The following PRRC2C variants were observed in gnomAD, a reference collection of about 807,000 sequenced individuals.
The protein encoded by PRRC2C is protein PRRC2C.
In PRRC2C, 72 loss-of-function variants were observed where a neutral mutation model predicts 317.2. The ratio of observed to expected loss-of-function variants is 0.23; its 90% CI spans 0.19 to 0.28. PRRC2C has a LOEUF of 0.28. Ranked by LOEUF, PRRC2C falls within the 10% of genes least tolerant of loss-of-function variation. PRRC2C has a pLI of 1.00. For synonymous variants in PRRC2C, 1,296 were observed against 1,205.9 expected (o/e 1.07, Z -1.55); for missense variants, 3,074 against 3,459.7 (o/e 0.89, Z 2.80).
intron 1 of PRRC2C, among the ~76,000 whole-genome samples, chr1:171,489,785 A>G (rs1436903288): frequency 1.3e-5 from 2 of 152,192 alleles, no homozygotes; most frequent in Non-Finnish European, 1.5e-5. Context: ...ACTCAACTAC[A>G]TGGGTTTCCT....
Position 171,541,742 on chromosome 1 carries a change from C to T in PRRC2C, c.4276C>T (p.Arg1426Cys), listed in dbSNP as rs747915202. 3.1e-6 allele frequency: 5 copies of T among 1,613,758 alleles called. No homozygotes were observed. The highest frequency in any genetic ancestry group is 3.3e-5 in the Admixed American group (2 of 59,996). ...DPARERPRRQ[R>C]PTRPPRQDKP... ...AGCTAGAGAAAGGCCTCGAAGGCAG[C>T]GTCCTACTCGACCACCAAGGCAAGA... The change falls in exon 16 of 35, where the codon CGT becomes TGT. Residue 1426 changes from arginine to cysteine, a missense_variant. Transcript: ENST00000647382. This position sits in a 1 kb window ranked among gnomAD's most constrained non-coding sequence, Gnocchi z 4.1.
intron 1 of PRRC2C, among the ~76,000 whole-genome samples, chr1:171,488,530 G>T (rs1666542375): frequency 6.6e-6 from 1 of 152,180 alleles, no homozygotes; most frequent in African/African-American, 2.4e-5. Flanking sequence ...ACCTAACTCT[G>T]TTGCCCTGGC....
chr1:171,540,831 A>C lies in PRRC2C; in HGVS notation c.3365A>C (p.Lys1122Thr). ...ACTGTTCAGGTAGAGCCTGCAGTTAAGACTGTAAACCAACAGACTATGGCA... is the reference window on the plus strand; with the variant it reads ...ACTGTTCAGGTAGAGCCTGCAGTTACGACTGTAAACCAACAGACTATGGCA... ...VSTVQVEPAV[K>T]TVNQQTMAAP... The change falls in exon 16 of 35, where the codon AAG (lysine) becomes ACG (threonine). Residue 1122 changes from lysine to threonine, a missense_variant. Coordinates refer to ENST00000647382, the MANE Select transcript of PRRC2C (RefSeq NM_001387844.1). 6.2e-7 allele frequency: 1 copy of C among 1,613,832 alleles called. No individual in the cohort carries two copies. Among genetic ancestry groups the C allele is most frequent in the Admixed American group, 1.7e-5 (1 of 59,988 alleles).
chr1:171,487,246 A>G (rs1333878579), intron 1 of PRRC2C, among the ~76,000 whole-genome samples: 1 of 152,156 alleles, frequency 6.6e-6, no homozygotes, highest in Non-Finnish European at 1.5e-5. Flanking sequence ...CAGATGAGGA[A>G]ATGAAATCTG....
intron 34 of PRRC2C, 24 bp from the exon 35 acceptor site, chr1:171,591,563 A>C: frequency 1.9e-6 from 3 of 1,605,856 alleles, no homozygotes; most frequent in Non-Finnish European, 2.6e-6. Flanking sequence ...CAGTATTTTC[A>C]GTTGTTCTTT....
Position 171,524,901 on chromosome 1 carries a change from C to G in PRRC2C, c.1136C>G (p.Ser379Cys), listed in dbSNP as rs763068608. The change falls in exon 10 of 35, where the codon TCC becomes TGC. Residue 379 changes from serine (S) to cysteine (C), a missense_variant. Around this residue, in one of 11 missense-constraint regions of PRRC2C, gnomAD observed 1,320 missense variants for 1,395.7 expected, o/e 0.95. Transcript: ENST00000647382. ...GAAGTTTCCAACACTAAATCATCTT[C>G]CCAAATACCTGCCCAACCATCAGTA... is the stretch of plus-strand genomic sequence containing the variant. Reference protein sequence around the residue: ...TDEVSNTKSSSQIPAQPSVAK... With the variant: ...TDEVSNTKSSCQIPAQPSVAK... 4 of 1,611,208 alleles carry G rather than the reference C, an allele frequency of 2.5e-6. No homozygotes were observed. Among genetic ancestry groups the G allele is most frequent in the Non-Finnish European group, 3.4e-6 (4 of 1,178,474 alleles).
At chr1:171,496,282 A>G (rs1284563816) in intron 1 of PRRC2C, among the ~76,000 whole-genome samples, 1 of 135,088 alleles carries the variant, frequency 7.4e-6, no homozygotes, top group East Asian at 2.2e-4. Context: ...GGCTCACTAC[A>G]GCCTCTGCCT....
chr1:171,522,347 G>A (rs1027968058), intron 7 of PRRC2C, 88 bp downstream of exon 7: 1 of 885,570 alleles, frequency 1.1e-6, no homozygotes, highest in South Asian at 1.6e-5. Flanking sequence ...ATTCTGAGTT[G>A]TGTAATTGAT....
rs1651310538 is a variant in PRRC2C at position 171,591,041 on chromosome 1, C to T, written c.8437-546C>T. ...TGACGTAAGTATATTTTTGGGGGCA[C>T]ATAGTCAAAACTAAGAAATTATTTA... On this transcript the variant is annotated intron_variant, in intron 34 of 34. Coordinates refer to ENST00000647382, the MANE Select transcript of PRRC2C (RefSeq NM_001387844.1). 2 of 347,900 alleles carry T rather than the reference C, an allele frequency of 5.7e-6. 1 individual carries two copies. The highest frequency in any genetic ancestry group is 2.3e-4 in the South Asian group (2 of 8,670). 21.6% of individuals were successfully genotyped at this position (347,900 alleles called of 1,614,324 possible).
chr1:171,504,142 G>A (rs527407123), intron 1 of PRRC2C, among the ~76,000 whole-genome samples: 2 of 152,172 alleles, frequency 1.3e-5, no homozygotes, highest in Admixed American at 1.3e-4. Flanking sequence ...ATCTCCTGCC[G>A]ATTTTTAAAA....
At position 171,512,026 on chromosome 1, in the gene PRRC2C, C is replaced by A; in HGVS notation, c.-57-6C>A. On this transcript the variant is annotated splice_region_variant and splice_polypyrimidine_tract_variant and intron_variant, in intron 1 of 34. Transcript: ENST00000647382. ...CCTTATTTTTCTTTCTTATGTACAT[C>A]TTAAGGACTGGGGTTTTAAGGGGTG... 1 of 860,262 alleles carries A rather than the reference C, an allele frequency of 1.2e-6. No homozygotes were observed. The highest frequency in any genetic ancestry group is 1.8e-5 in the South Asian group (1 of 55,844). 53.3% of individuals were successfully genotyped at this position (860,262 alleles called of 1,614,324 possible).
chr1:171,523,209 G>GC lies in PRRC2C; in HGVS notation c.834-10dup. On this transcript the variant is annotated splice_polypyrimidine_tract_variant and intron_variant, in intron 7 of 34. Transcript: ENST00000647382. Reference sequence around the variant, plus strand: ...AACTTTTGTATCTTTTCCATGACCTGCCTTTCATTAGAGGCCTTCGAGGAA... The same window carrying GC: ...AACTTTTGTATCTTTTCCATGACCTGCCCTTTCATTAGAGGCCTTCGAGGAA... 2.5e-6 allele frequency: 4 copies of GC among 1,592,812 alleles called. No homozygotes were observed. The highest frequency in any genetic ancestry group is 3.4e-6 in the Non-Finnish European group (4 of 1,173,008).
intron 6 of PRRC2C, among the ~76,000 whole-genome samples, chr1:171,520,446 G>A (rs759003403): frequency 6.6e-6 from 1 of 152,164 alleles, no homozygotes; most frequent in South Asian, 2.1e-4. Context: ...ACTTTCATCA[G>A]TGATTATATT....
At chr1:171,583,136 C>T (rs1305718232) in intron 28 of PRRC2C, among the ~76,000 whole-genome samples, 1 of 151,886 alleles carries the variant, frequency 6.6e-6, no homozygotes, top group Non-Finnish European at 1.5e-5. Context: ...ACCATGCCCA[C>T]CTAATTTTTT....
intron 19 of PRRC2C, 112 bp from the exon 20 acceptor site, chr1:171,560,906 A>C (rs1296685382): frequency 4.7e-6 from 4 of 847,682 alleles, no homozygotes; most frequent in Non-Finnish European, 8.1e-6. Context: ...TGATTGTTTT[A>C]TTCCCTGGCT....
Position 171,541,943 on chromosome 1 carries a change from C to G in PRRC2C, c.4477C>G (p.Gln1493Glu). Reference protein sequence around the residue: ...PDLSNQNSSDQANEEWETASE... With the variant: ...PDLSNQNSSDEANEEWETASE... The stretch of plus-strand genomic sequence containing the variant: ...TTTATCTAATCAGAACTCTTCAGAT[C>G]AGGCAAATGAAGAATGGGAAACAGC... The change falls in exon 16 of 35, where the codon CAG becomes GAG. Residue 1493 changes from glutamine (Q) to glutamate (E), a missense_variant. Coordinates refer to ENST00000647382, the MANE Select transcript of PRRC2C (RefSeq NM_001387844.1). The surrounding 1 kb of genome is among the most constrained non-coding windows in gnomAD (Gnocchi z 4.1). 6.2e-7 allele frequency: 1 copy of G among 1,613,576 alleles called. No individual in the cohort carries two copies. The highest frequency in any genetic ancestry group is 8.5e-7 in the Non-Finnish European group (1 of 1,179,770).
intron 18 of PRRC2C, among the ~76,000 whole-genome samples, chr1:171,556,178 G>C (rs375474309): frequency 6.6e-6 from 1 of 152,208 alleles, no homozygotes; most frequent in Non-Finnish European, 1.5e-5. Context: ...GTTTGATCTC[G>C]GACTGCTGCG....
chr1:171,522,141 C>T, intron 6 of PRRC2C, 36 bp from the exon 7 acceptor site: 1 of 1,274,204 alleles, frequency 7.8e-7, no homozygotes, highest in South Asian at 1.6e-5. Context: ...AACTAGGTTG[C>T]TAAATTTATC....
At chr1:171,566,463 A>G (rs1225545215) in intron 21 of PRRC2C, 42 bp downstream of exon 21, 2 of 1,516,430 alleles carry the variant, frequency 1.3e-6, no homozygotes, top group African/African-American at 1.4e-5. Context: ...TATGAAGGCC[A>G]CTGACATGAA....
Sources: allele counts gnomAD v4.1 joint callset (sites outside exome capture counted in the v4.1 genomes callset), GRCh38; gene constraint gnomAD v4.1.1; regional missense constraint gnomAD v4.1.1; non-coding constraint Gnocchi (gnomAD v3.1); transcripts MANE v1.5; gene names NCBI Gene and HGNC (gene_info 2026-07-23, HGNC 2026-07-21).